Variants in QSER1 observed in about 807,000 individuals in gnomAD.
QSER1 encodes glutamine and serine-rich protein 1.
In QSER1, 49 loss-of-function variants were observed where a neutral mutation model predicts 158.5. The ratio of observed to expected loss-of-function variants is 0.31; its 90% confidence interval spans 0.25 to 0.39. The LOEUF is 0.39. QSER1 is among the 10% of genes least tolerant of loss of function. The probability of loss-of-function intolerance (pLI) is 1.00; values close to 1 mark genes in which losing one functional copy is unlikely to be tolerated. For missense variants in QSER1, 1,754 were observed against 2,010.3 expected, an observed-to-expected ratio of 0.87 and a Z score of 2.44; for synonymous variants, 650 against 715.5, an observed-to-expected ratio of 0.91 and a Z score of 1.46.
chr11:32,971,052 C>T (rs1473831359), intron 10 of QSER1, among the ~76,000 whole-genome samples: 3 of 144,450 alleles, frequency 2.1e-5, no homozygotes, highest in South Asian at 2.2e-4. Flanking sequence ...TCTCCTGCCT[C>T]AGTCTCTGGA....
chr11:32,963,754 T>C (rs1049832166), intron 8 of QSER1, among the ~76,000 whole-genome samples: 2 of 152,152 alleles, frequency 1.3e-5, no homozygotes, highest in African/African-American at 4.8e-5. Flanking sequence ...ACCTCAAACT[T>C]CTGGCACAAG....
chr11:32,927,356 A>T (rs1368815840), intron 2 of QSER1, 87 bp downstream of exon 2: 3 of 152,648 alleles, frequency 2.0e-5, no homozygotes, highest in Non-Finnish European at 4.4e-5. Context: ...TTGAGTTCTG[A>T]ATGTATAGGA....
intron 4 of QSER1, among the ~76,000 whole-genome samples, chr11:32,944,667 A>G (rs1378746417): frequency 1.5e-5 from 2 of 134,792 alleles, no homozygotes; most frequent in East Asian, 2.4e-4. Flanking sequence ...TATGTGGTCA[A>G]TTTTGGAATA....
At chr11:32,907,268 C>G (rs1208266176) in intron 1 of QSER1, among the ~76,000 whole-genome samples, 3 of 152,100 alleles carry the variant, frequency 2.0e-5, no homozygotes, top group Non-Finnish European at 4.4e-5. Flanking sequence ...GATTTTGATT[C>G]ATCTGAACAT....
rs913994269 is a variant in QSER1 at position 32,978,527 on chromosome 11, G to A, written c.*2053G>A. The stretch of plus-strand genomic sequence containing the variant: ...CTTAATTTAGGTAGCTCTTGGAATC[G>A]ATGTTTGAATTCACTAGCCACATTT... On this transcript the variant is annotated 3_prime_UTR_variant, in exon 13 of 13. Transcript: ENST00000650167. The A allele has an allele frequency of 5.3e-5, 8 of 152,148 alleles. No homozygotes were observed. The highest frequency in any genetic ancestry group is 1.7e-4 in the African/African-American group (7 of 41,440). The allele number at this position is 152,148 out of a possible 1,614,324, so 9.4% of individuals were successfully genotyped here. A position where few individuals can be genotyped will look rare whatever the true frequency, so the allele number is the denominator to read the frequency against.
At chr11:32,975,712 C>T in intron 12 of QSER1, 1 of 1,033,368 alleles carries the variant, frequency 9.7e-7, no homozygotes, top group Non-Finnish European at 1.2e-6. Flanking sequence ...TTACTTATTA[C>T]TTAGAATGGC....
chr11:32,970,882 C>G (rs985056257), intron 10 of QSER1, among the ~76,000 whole-genome samples: 2 of 149,446 alleles, frequency 1.3e-5, no homozygotes, highest in Admixed American at 1.3e-4. Context: ...AACCAGTTCT[C>G]TAACAAGATT....
At chr11:32,955,957 A>C in intron 6 of QSER1, 31 bp from the exon 7 acceptor site, 1 of 1,582,472 alleles carries the variant, frequency 6.3e-7, no homozygotes, top group Non-Finnish European at 8.6e-7. Flanking sequence ...AGATTGTTCA[A>C]TTATGTAACT....
In QSER1 at chr11:32,899,331, T is replaced by G. The variant is rs189383459; in HGVS notation, c.209+5997T>G. On this transcript the variant is annotated intron_variant, in intron 1 of 12. Coordinates refer to ENST00000650167, the MANE Select transcript of QSER1 (RefSeq NM_001076786.3). ...ATGCCATTCCCCCTCTACCCTGTAG[T>G]TGGGACCAAGATGAAGGGTAAGTTT... Among the ~76,000 whole-genome samples, 50 of 152,244 alleles carry G rather than the reference T, an allele frequency of 3.3e-4. No individual in the cohort carries two copies. In the East Asian group the frequency reaches 7.1e-3, roughly 22 times the overall value.
rs766783154 is a variant in QSER1, at chr11:32,932,938, T to C, written c.1680T>C (p.Ser560=). Residue 560 remains serine, a synonymous_variant, in exon 4 of 13, where the codon TCT becomes TCC. Transcript: ENST00000650167. ...CTCAAAGTTACTCATCTGGTCACTCTCAGGGTTTATCACCAGTTAGCCAGA... is the reference window on the plus strand; with the variant it reads ...CTCAAAGTTACTCATCTGGTCACTCCCAGGGTTTATCACCAGTTAGCCAGA... ...SQSQSYSSGH[S]QGLSPVSQTQ... The C allele has an allele frequency of 6.2e-7, 1 of 1,613,648 alleles. No homozygotes were observed. The highest frequency in any genetic ancestry group is 1.1e-5 in the South Asian group (1 of 91,064).
chr11:32,946,832 G>A (rs1167020085), intron 4 of QSER1, among the ~76,000 whole-genome samples: 3 of 152,040 alleles, frequency 2.0e-5, no homozygotes, highest in South Asian at 2.1e-4. Flanking sequence ...CCCCAGCCTC[G>A]CTGCCACCTT....
intron 12 of QSER1, 71 bp from the exon 13 acceptor site, chr11:32,976,263 A>G (rs1199600303): frequency 1.0e-5 from 13 of 1,290,612 alleles, no homozygotes; most frequent in Non-Finnish European, 1.4e-5. Flanking sequence ...AAAATAAAAT[A>G]CCAGTACTTG....
intron 3 of QSER1, among the ~76,000 whole-genome samples, chr11:32,931,428 A>G (rs990458597): frequency 6.6e-6 from 1 of 152,076 alleles, no homozygotes. Flanking sequence ...AAATTTAAAA[A>G]TTAGCCAGGT....
chr11:32,936,475 T>C (rs975005213), intron 4 of QSER1, among the ~76,000 whole-genome samples: 2 of 152,212 alleles, frequency 1.3e-5, no homozygotes, highest in African/African-American at 4.8e-5. Context: ...CAATGACTTA[T>C]GTAAACAATT....
chr11:32,901,169 T>C (rs1314965189), intron 1 of QSER1, among the ~76,000 whole-genome samples: 4 of 152,224 alleles, frequency 2.6e-5, no homozygotes, highest in Non-Finnish European at 5.9e-5. Flanking sequence ...TCAGTTTCCT[T>C]ATGTAAAATG....
chr11:32,969,561 G>T (rs946411636), intron 10 of QSER1, among the ~76,000 whole-genome samples: 1 of 151,964 alleles, frequency 6.6e-6, no homozygotes, highest in African/African-American at 2.4e-5. Context: ...ATATATCTTG[G>T]CAATATAAGT....
chr11:32,932,383 C>G lies in QSER1; in HGVS notation c.1125C>G (p.Asn375Lys), dbSNP rs761334527. 6.2e-7 allele frequency: 1 copy of G among 1,612,406 alleles called. No homozygotes were observed. Among genetic ancestry groups the G allele is most frequent in the Non-Finnish European group, 8.5e-7 (1 of 1,180,014 alleles). The change falls in exon 4 of 13, where the codon AAC becomes AAG. Residue 375 changes from asparagine (N) to lysine (K), a missense_variant. Physicochemically the swap from Asn to Lys is moderately conservative, Grantham distance 94 (BLOSUM62 0). Around this residue, in one of 2 missense-constraint regions of QSER1, gnomAD observed 1,707 missense variants for 1,919.6 expected, o/e 0.89. Transcript: ENST00000650167. Reference sequence around the variant, plus strand: ...TTGGAGATTCCACTCAGGTGAGCAACGGAGGATTACAACAGAAGACCTCCC... The same window carrying G: ...TTGGAGATTCCACTCAGGTGAGCAAGGGAGGATTACAACAGAAGACCTCCC... ...SPIGDSTQVS[N>K]GGLQQKTSQV... is the part of the protein sequence containing the mutation.
In QSER1 at chr11:32,932,338, A is replaced by T; in HGVS notation, c.1080A>T (p.Ser360=). Residue 360 remains serine, a synonymous_variant, in exon 4 of 13, where the codon TCA becomes TCT. Transcript: ENST00000650167. Reference sequence around the variant, plus strand: ...ATTTTCAGGAAACAACCAGGCAGTCATCTTTATCCTGTAGCCCAATTGGAG... The same window carrying T: ...ATTTTCAGGAAACAACCAGGCAGTCTTCTTTATCCTGTAGCCCAATTGGAG... ...VVNFQETTRQ[S]SLSCSPIGDS... is the part of the protein sequence containing the mutation. 1 of 1,612,868 alleles carries T rather than the reference A, an allele frequency of 6.2e-7. No homozygotes were observed. The highest frequency in any genetic ancestry group is 8.5e-7 in the Non-Finnish European group (1 of 1,180,016).
chr11:32,934,121 CAGTT>C lies in QSER1; in HGVS notation c.2864_2867del (p.Gln955LeufsTer25). 1 of 1,613,834 alleles carries C rather than the reference CAGTT, an allele frequency of 6.2e-7. No homozygotes were observed. The highest frequency in any genetic ancestry group is 8.5e-7 in the Non-Finnish European group (1 of 1,179,900). Reference sequence around the variant, plus strand: ...AACAAATCAACATGATTCAAAGAATCAGTTTGTTTCTCTTGGATCGATGTGTTTC... The same window carrying C: ...AACAAATCAACATGATTCAAAGAATCTGTTTCTCTTGGATCGATGTGTTTC... On this transcript the variant is annotated frameshift_variant, in exon 4 of 13. Coordinates refer to ENST00000650167, the MANE Select transcript of QSER1 (RefSeq NM_001076786.3). LOFTEE classifies it high-confidence loss of function.
Sources: gnomAD v4.1 joint callset for allele counts (sites outside exome capture counted in the v4.1 genomes callset) on GRCh38, gnomAD v4.1.1 for gene constraint, gnomAD v4.1.1 regional missense constraint, MANE v1.5 for transcripts, NCBI Gene and HGNC (gene_info 2026-07-23, HGNC 2026-07-21) for gene names.